AFF2: variants seen among roughly 807,000 people sequenced by gnomAD.
The protein encoded by AFF2 is AF4/FMR2 family member 2.
In AFF2, 14 loss-of-function variants were observed where a neutral mutation model predicts 76.9. The observed-to-expected ratio is 0.18, with a 90% CI of 0.12 to 0.28. The LOEUF (loss-of-function observed/expected upper bound fraction) is 0.28. Among genes scored for constraint, AFF2 ranks in the 10% least tolerant of loss-of-function variants. The pLI is 1.00. For missense variants in AFF2, 868 were observed against 1,001.1 expected (o/e 0.87, Z 1.79); for synonymous variants, 398 against 366.7 (o/e 1.09, Z -0.98).
At chrX:148,671,623 C>T (rs782636497) in intron 3 of AFF2, among the ~76,000 whole-genome samples, 41 of 111,403 alleles carry the variant, frequency 3.7e-4, no homozygotes, top group Non-Finnish European at 5.7e-4. Context: ...GGAGTATCCA[C>T]AGTAGAACAA....
intron 9 of AFF2, among the ~76,000 whole-genome samples, chrX:148,939,221 T>C (rs1285778462): frequency 1.8e-5 from 2 of 111,822 alleles, no homozygotes; most frequent in African/African-American, 6.5e-5. Context: ...TAGCTCTGTA[T>C]AAATTATCTA....
At chrX:148,701,832 A>G (rs1030545183) in intron 3 of AFF2, among the ~76,000 whole-genome samples, 9 of 111,855 alleles carry the variant, frequency 8.0e-5, no homozygotes, top group Non-Finnish European at 3.8e-5. Flanking sequence ...GCCGTGATCA[A>G]CCCATGAAAT....
chrX:148,957,898 A>T (rs921826220), intron 11 of AFF2, among the ~76,000 whole-genome samples: 2 of 112,465 alleles, frequency 1.8e-5, no homozygotes, highest in Non-Finnish European at 3.8e-5. Flanking sequence ...TCCTTACGTG[A>T]TGCTCATTGT....
At chrX:148,501,727 C>T (rs2052354824) in intron 1 of AFF2, among the ~76,000 whole-genome samples, 1 of 113,510 alleles carries the variant, frequency 8.8e-6, no homozygotes, top group Non-Finnish European at 1.9e-5. Context: ...TTGGGGGCCA[C>T]CACTCAGGGG....
chrX:148,773,076 A>AT (rs781794293), intron 3 of AFF2, among the ~76,000 whole-genome samples: 1 of 111,094 alleles, frequency 9.0e-6, no homozygotes, highest in South Asian at 3.8e-4. Flanking sequence ...AAAAATAAAG[A>AT]TAAAAAAGAA....
intron 1 of AFF2, among the ~76,000 whole-genome samples, chrX:148,591,557 G>C (rs1282102795): frequency 8.9e-6 from 1 of 112,335 alleles, no homozygotes; most frequent in Admixed American, 9.4e-5. Flanking sequence ...GCATATGCTG[G>C]TTATTCTTGT....
At chrX:148,690,071 C>A (rs1314440944) in intron 3 of AFF2, among the ~76,000 whole-genome samples, 1 of 111,833 alleles carries the variant, frequency 8.9e-6, no homozygotes, top group Non-Finnish European at 1.9e-5. Context: ...GCCTGACAGC[C>A]CATCTTATGG....
At chrX:148,801,413 C>A (rs373751811) in intron 3 of AFF2, among the ~76,000 whole-genome samples, 1 of 111,862 alleles carries the variant, frequency 8.9e-6, no homozygotes, top group Admixed American at 9.5e-5. Context: ...CCAGTAACCA[C>A]ACCCCACTCT....
chrX:148,869,459 G>A (rs1289241186), intron 7 of AFF2, among the ~76,000 whole-genome samples: 9 of 112,534 alleles, frequency 8.0e-5, no homozygotes, highest in African/African-American at 2.9e-4. Context: ...ACTTAAACCA[G>A]TAGGAGGGAC....
chrX:148,651,996 C>T lies in AFF2; in HGVS notation c.48-3C>T. On this transcript the variant is annotated splice_region_variant and splice_polypyrimidine_tract_variant and intron_variant, in intron 1 of 20. Transcript: ENST00000370460. Reference sequence around the variant, plus strand: ...TCTTTTTGTCTTTTCCTTTTCATATCAGTCACTATGAACAAGACCGTAGTG... The same window carrying T: ...TCTTTTTGTCTTTTCCTTTTCATATTAGTCACTATGAACAAGACCGTAGTG... 8.6e-7 allele frequency: 1 copy of T among 1,159,645 alleles called. No homozygotes were observed. Among genetic ancestry groups the T allele is most frequent in the Non-Finnish European group, 1.2e-6 (1 of 868,975 alleles).
chrX:148,930,082 G>C (rs1273909978), intron 9 of AFF2, among the ~76,000 whole-genome samples: 1 of 111,871 alleles, frequency 8.9e-6, no homozygotes, highest in Non-Finnish European at 1.9e-5. Context: ...ATGGGAATAA[G>C]TAAATGGAAG....
At chrX:148,601,154 T>C (rs1312745312) in intron 1 of AFF2, among the ~76,000 whole-genome samples, 1 of 112,732 alleles carries the variant, frequency 8.9e-6, no homozygotes, top group East Asian at 2.8e-4. Flanking sequence ...TAAGTACTAA[T>C]TTCAATTATA....
chrX:148,657,987 G>T (rs1295562609), intron 2 of AFF2, among the ~76,000 whole-genome samples: 2 of 111,665 alleles, frequency 1.8e-5, no homozygotes, highest in Non-Finnish European at 3.8e-5. Context: ...GCCCCATTGG[G>T]TTTTCTATCC....
intron 4 of AFF2, among the ~76,000 whole-genome samples, chrX:148,835,510 G>C (rs1400941550): frequency 1.1e-5 from 1 of 87,767 alleles, no homozygotes; most frequent in African/African-American, 4.7e-5. Flanking sequence ...TTTTGAGATG[G>C]AGTCTCGCTC....
intron 1 of AFF2, among the ~76,000 whole-genome samples, chrX:148,642,738 C>T (rs1248685714): frequency 8.9e-6 from 1 of 111,879 alleles, no homozygotes; most frequent in Non-Finnish European, 1.9e-5. Flanking sequence ...CTCACTAGGG[C>T]AGGCAGGCCT....
At chrX:148,526,508 C>T (rs782280738) in intron 1 of AFF2, among the ~76,000 whole-genome samples, 1 of 109,245 alleles carries the variant, frequency 9.2e-6, no homozygotes, top group South Asian at 4.0e-4. Context: ...TCACCTGGTA[C>T]TTTCTCTGCT....
chrX:148,580,274 A>G (rs2053339276), intron 1 of AFF2, among the ~76,000 whole-genome samples: 1 of 111,545 alleles, frequency 9.0e-6, no homozygotes, highest in African/African-American at 3.3e-5. Flanking sequence ...TGTGGTTATC[A>G]AATTGAACTC....
chrX:148,789,991 T>C (rs2069870991), intron 3 of AFF2, among the ~76,000 whole-genome samples: 1 of 111,112 alleles, frequency 9.0e-6, no homozygotes, highest in Non-Finnish European at 1.9e-5. Flanking sequence ...TCTTTCACAG[T>C]AAACCTCCCA....
rs1017383955 is a variant in AFF2, at chrX:148,581,622, G to A, written c.48-70377G>A. Among the ~76,000 whole-genome samples the A allele has an allele frequency of 1.3e-3, 115 of 88,506 alleles. 12 individuals carry two copies. The highest frequency in any genetic ancestry group is 2.0e-3 in the Non-Finnish European group (89 of 45,058). 76.9% of individuals were successfully genotyped at this position (88,506 alleles called of 115,157 possible). On this transcript the variant is annotated intron_variant, in intron 1 of 20. Transcript: ENST00000370460. ...CGTATACGTGTACACACATATATAC[G>A]TATACGTATACGTGTACACACATAT... is the stretch of plus-strand genomic sequence containing the variant.
Sources: allele counts gnomAD v4.1 joint callset (sites outside exome capture counted in the v4.1 genomes callset), GRCh38; gene constraint gnomAD v4.1.1; transcripts MANE v1.5; gene names NCBI Gene and HGNC (gene_info 2026-07-23, HGNC 2026-07-21).